The following CCDC92 variants were observed in gnomAD, a reference collection of about 807,000 sequenced individuals.
CCDC92 encodes coiled-coil domain-containing protein 92.
CCDC92 carries 12 observed loss-of-function variants against 24.9 expected under a neutral mutation model. The observed-to-expected ratio is 0.48, with a 90% CI of 0.31 to 0.78. The LOEUF is 0.78. Among genes scored for constraint, CCDC92 ranks in the 30% least tolerant of loss-of-function variants. The probability of loss-of-function intolerance (pLI) is 0.05; values close to 1 mark genes in which losing one functional copy is unlikely to be tolerated. For synonymous variants in CCDC92, 193 were observed against 196.3 expected (o/e 0.98, Z 0.14); for missense variants, 399 against 439.4 (o/e 0.91, Z 0.82).
At chr12:123,944,158 C>G in intron 2 of CCDC92, 114 bp downstream of exon 2, 1 of 740,186 alleles carries the variant, frequency 1.4e-6, no homozygotes, top group South Asian at 1.5e-5. Flanking sequence ...GGTCTGAGAA[C>G]GTATCTCATG....
intron 1 of CCDC92, among the ~76,000 whole-genome samples, chr12:123,964,676 C>A (rs7973683): frequency 0.38 from 57,792 of 152,018 alleles, 11,962 homozygotes; most frequent in African/African-American, 0.54. Flanking sequence ...TGACTACCTA[C>A]CACCATGATT....
chr12:123,953,715 T>C (rs890685555), intron 1 of CCDC92, among the ~76,000 whole-genome samples: 4 of 152,086 alleles, frequency 2.6e-5, no homozygotes, highest in Non-Finnish European at 5.9e-5. Context: ...GAGGAGGAGG[T>C]TGCAGTGAGC....
chr12:123,968,614 G>A (rs765759886), intron 1 of CCDC92: 1 of 152,162 alleles, frequency 6.6e-6, no homozygotes, highest in Non-Finnish European at 1.5e-5. Flanking sequence ...TTCAAAGTTT[G>A]AGGAGTCTTA....
chr12:123,965,555 A>AG (rs1455799317), intron 1 of CCDC92, among the ~76,000 whole-genome samples: 25 of 152,174 alleles, frequency 1.6e-4, no homozygotes, highest in African/African-American at 5.8e-4. Flanking sequence ...TGTTTTGGAA[A>AG]TATACTTCCT....
At position 123,937,619 on chromosome 12, in the gene CCDC92, A is replaced by G. The variant is rs1955558476; in HGVS notation, c.435T>C (p.Ser145=). The G allele has an allele frequency of 1.9e-6, 3 of 1,613,742 alleles. No homozygotes were observed. Among genetic ancestry groups the G allele is most frequent in the African/African-American group, 2.7e-5 (2 of 74,910 alleles). ...KAKSHKLTLL[S]SELEQRASTI... ...TGCTGGCCCGCTGCTCCAGCTCGCT[A>G]GACAGCAGGGTCAGCTTGTGACTCT... Residue 145 remains serine (S), a synonymous_variant, in exon 5 of 5, where the codon TCT becomes TCC. Transcript: ENST00000238156. This position sits in a 1 kb window ranked among gnomAD's most constrained non-coding sequence, Gnocchi z 8.4.
chr12:123,964,776 T>C (rs1266709918), intron 1 of CCDC92, among the ~76,000 whole-genome samples: 4 of 152,184 alleles, frequency 2.6e-5, no homozygotes, highest in African/African-American at 9.7e-5. Flanking sequence ...TTTTTAAAAA[T>C]TCCAGACAAT....
At chr12:123,948,586 A>G (rs911689464) in intron 1 of CCDC92, among the ~76,000 whole-genome samples, 6 of 152,236 alleles carry the variant, frequency 3.9e-5, no homozygotes, top group Non-Finnish European at 8.8e-5. Flanking sequence ...AGTGGGGGAC[A>G]AGGGTCTCCT....
rs769500480 is a variant in CCDC92 at position 123,943,368 on chromosome 12, G to A, written c.160C>T (p.Arg54Trp). Reference protein sequence around the residue: ...TLKGLHSEIRRLQQHCTDLTY... With the variant: ...TLKGLHSEIRWLQQHCTDLTY... ...GTACCTGTGCAGTGCTGCTGCAGCC[G>A]CCTGATCTCGGAGTGCAGCCCCTTG... is the stretch of plus-strand genomic sequence containing the variant. The change falls in exon 3 of 5, where the codon CGG (arginine) becomes TGG (tryptophan). Residue 54 changes from arginine (R) to tryptophan (W), a missense_variant. Coordinates refer to ENST00000238156, the MANE Select transcript of CCDC92 (RefSeq NM_025140.3). 1.4e-5 allele frequency: 22 copies of A among 1,613,518 alleles called. No individual in the cohort carries two copies. Among genetic ancestry groups the A allele is most frequent in the Non-Finnish European group, 1.8e-5 (21 of 1,180,020 alleles).
Position 123,937,243 on chromosome 12 carries a change from C to T in CCDC92, c.811G>A (p.Asp271Asn), listed in dbSNP as rs575729715. 216 of 1,610,744 alleles carry T rather than the reference C, an allele frequency of 1.3e-4. No homozygotes were observed. The highest frequency in any genetic ancestry group is 1.7e-4 in the Non-Finnish European group (204 of 1,179,628). ...GGGCTGTGCTGCTCGCCGCTTCGGT[C>T]GGAGGCGATGGGGGGGATGACGAGG... ...RPLVIPPIASDRSGEQHSPAR... is the reference protein window; with the variant it reads ...RPLVIPPIASNRSGEQHSPAR... The change falls in exon 5 of 5, where the codon GAC becomes AAC. Residue 271 changes from aspartate (D) to asparagine (N), a missense_variant. Physicochemically the swap from Asp to Asn is conservative, Grantham distance 23. Coordinates refer to ENST00000238156, the MANE Select transcript of CCDC92 (RefSeq NM_025140.3). The surrounding 1 kb of genome is among the most constrained non-coding windows in gnomAD (Gnocchi z 8.4).
chr12:123,971,145 A>G (rs1956519164), intron 1 of CCDC92, among the ~76,000 whole-genome samples: 1 of 152,242 alleles, frequency 6.6e-6, no homozygotes, highest in Non-Finnish European at 1.5e-5. Flanking sequence ...TCTTAAATGT[A>G]CCTAAACTAA....
intron 4 of CCDC92, 94 bp downstream of exon 4, chr12:123,942,648 AGC>A: frequency 1.1e-6 from 1 of 934,298 alleles, no homozygotes; most frequent in Middle Eastern, 2.1e-4. Context: ...TCCCAGCAAG[AGC>A]ATTTTCTCCT....
At position 123,937,435 on chromosome 12, in the gene CCDC92, T is replaced by C; in HGVS notation, c.619A>G (p.Lys207Glu). The C allele has an allele frequency of 1.9e-6, 3 of 1,613,704 alleles. No homozygotes were observed. The highest frequency in any genetic ancestry group is 2.5e-6 in the Non-Finnish European group (3 of 1,179,980). Residue 207 changes from lysine (K) to glutamate (E), a missense_variant, in exon 5 of 5, where the codon AAA (lysine) becomes GAA (glutamate). Lys to Glu is a moderately conservative substitution (Grantham distance 56). Coordinates refer to ENST00000238156, the MANE Select transcript of CCDC92 (RefSeq NM_025140.3). This position sits in a 1 kb window ranked among gnomAD's most constrained non-coding sequence, Gnocchi z 8.4. Reference sequence around the variant, plus strand: ...TGCAAGGGGGCTGAGAGGCTCTTTTTCATGCGGCGGCGAGGCGTTTCGGGT... The same window carrying C: ...TGCAAGGGGGCTGAGAGGCTCTTTTCCATGCGGCGGCGAGGCGTTTCGGGT... ...KLPETPRRRMKKSLSAPLHPE... is the reference protein window; with the variant it reads ...KLPETPRRRMEKSLSAPLHPE...
At chr12:123,964,698 G>A (rs1443300402) in intron 1 of CCDC92, among the ~76,000 whole-genome samples, 1 of 152,164 alleles carries the variant, frequency 6.6e-6, no homozygotes, top group African/African-American at 2.4e-5. Flanking sequence ...CAGAGTAGGT[G>A]AATCTAAACC....
rs891799635 is a variant in CCDC92 at position 123,936,882 on chromosome 12, G to A, written c.*176C>T. 1.9e-5 allele frequency: 13 copies of A among 689,916 alleles called. No individual in the cohort carries two copies. The highest frequency in any genetic ancestry group is 2.9e-5 in the Non-Finnish European group (12 of 416,766). The allele number at this position is 689,916 out of a possible 1,614,324, so 42.7% of individuals were successfully genotyped here. ...AGCAATTAGGAAATACATATTCTGCGGCAGGGACACGATCATATTTTGGTG... is the reference window on the plus strand; with the variant it reads ...AGCAATTAGGAAATACATATTCTGCAGCAGGGACACGATCATATTTTGGTG... On this transcript the variant is annotated 3_prime_UTR_variant, in exon 5 of 5. Transcript: ENST00000238156.
At chr12:123,961,708 AGAG>A (rs1465955849) in intron 1 of CCDC92, among the ~76,000 whole-genome samples, 2 of 152,254 alleles carry the variant, frequency 1.3e-5, no homozygotes, top group African/African-American at 2.4e-5. Context: ...CTTTAGCTTC[AGAG>A]GAGAAGAATC....
At chr12:123,944,615 G>A (rs1181594430) in intron 1 of CCDC92, 2 of 313,332 alleles carry the variant, frequency 6.4e-6, no homozygotes, top group Non-Finnish European at 1.1e-5. Context: ...CCAGTGACAT[G>A]CATGCACACT....
At chr12:123,965,274 A>G (rs1222409314) in intron 1 of CCDC92, among the ~76,000 whole-genome samples, 5 of 152,252 alleles carry the variant, frequency 3.3e-5, no homozygotes, top group Admixed American at 2.6e-4. Context: ...ACACTTGTGT[A>G]TAACTGAGGA....
intron 1 of CCDC92, chr12:123,971,598 T>TG (rs1956538901): frequency 1.3e-5 from 2 of 152,260 alleles, no homozygotes; most frequent in African/African-American, 4.8e-5. Context: ...AACCGACTAC[T>TG]GCAACCTAAG....
intron 1 of CCDC92, chr12:123,970,465 T>A (rs1346810876): frequency 6.6e-6 from 1 of 152,244 alleles, no homozygotes; most frequent in Non-Finnish European, 1.5e-5. Flanking sequence ...ATGACAGACC[T>A]TCAAATATTT....
Sources: allele counts gnomAD v4.1 joint callset (sites outside exome capture counted in the v4.1 genomes callset), GRCh38; gene constraint gnomAD v4.1.1; non-coding constraint Gnocchi (gnomAD v3.1); transcripts MANE v1.5; gene names NCBI Gene and HGNC (gene_info 2026-07-23, HGNC 2026-07-21).